SORCS2: variants seen among roughly 807,000 people sequenced by gnomAD.
The protein encoded by SORCS2 is VPS10 domain-containing receptor SorCS2.
In SORCS2, 100 loss-of-function variants were observed where a neutral mutation model predicts 141.6. The ratio of observed to expected loss-of-function variants is 0.71; its 90% CI spans 0.60 to 0.83. SORCS2 has a LOEUF of 0.83. SORCS2 is among the 40% of genes least tolerant of loss of function. The probability of loss-of-function intolerance (pLI) is 0.00; values close to 1 mark genes in which losing one functional copy is unlikely to be tolerated. For missense variants in SORCS2, 1,646 were observed against 1,560.2 expected (o/e 1.05, Z -0.93); for synonymous variants, 789 against 676.9 (o/e 1.17, Z -2.57).
chr4:7,303,251 C>T (rs934366665), intron 1 of SORCS2, among the ~76,000 whole-genome samples: 26 of 152,186 alleles, frequency 1.7e-4, no homozygotes, highest in African/African-American at 5.3e-4. Flanking sequence ...ACCACTGAGG[C>T]GTTCCTGGCT....
intron 1 of SORCS2, among the ~76,000 whole-genome samples, chr4:7,268,458 C>A (rs765923134): frequency 6.6e-6 from 1 of 152,184 alleles, no homozygotes; most frequent in Non-Finnish European, 1.5e-5. Context: ...GCAATGGGGC[C>A]GTCAAACTGA....
chr4:7,685,523 T>C (rs1158214957), intron 10 of SORCS2, among the ~76,000 whole-genome samples: 1 of 152,030 alleles, frequency 6.6e-6, no homozygotes, highest in Non-Finnish European at 1.5e-5. Flanking sequence ...ATACAAAAAT[T>C]AGCCAGGCAT....
chr4:7,543,204 A>T (rs934958613), intron 3 of SORCS2, among the ~76,000 whole-genome samples: 1 of 152,184 alleles, frequency 6.6e-6, no homozygotes, highest in African/African-American at 2.4e-5. Context: ...CTTTTAAGAA[A>T]GTCCACTTGC....
Position 7,742,391 on chromosome 4 carries a change from T to C in SORCS2, c.*2127T>C, listed in dbSNP as rs1017736773. On this transcript the variant is annotated 3_prime_UTR_variant, in exon 27 of 27. Coordinates refer to ENST00000507866, the MANE Select transcript of SORCS2 (RefSeq NM_020777.3). ...GGAACCCTGGGAACTGCCCTCCCCCTTAGCTCACAGTGCCTGCGGTAGCCA... is the reference window on the plus strand; with the variant it reads ...GGAACCCTGGGAACTGCCCTCCCCCCTAGCTCACAGTGCCTGCGGTAGCCA... The C allele has an allele frequency of 6.6e-6, 1 of 152,444 alleles. No individual in the cohort carries two copies. Among genetic ancestry groups the C allele is most frequent in the Non-Finnish European group, 1.5e-5 (1 of 68,112 alleles). The allele number at this position is 152,444 out of a possible 1,614,324, so 9.4% of individuals were successfully genotyped here.
intron 2 of SORCS2, among the ~76,000 whole-genome samples, chr4:7,418,031 C>T (rs1725808720): frequency 6.6e-6 from 1 of 152,200 alleles, no homozygotes; most frequent in African/African-American, 2.4e-5. Flanking sequence ...TTACCAGGCA[C>T]TTGGCCTGTG....
chr4:7,698,688 A>T (rs376726698), intron 12 of SORCS2, among the ~76,000 whole-genome samples: 9 of 152,358 alleles, frequency 5.9e-5, no homozygotes, highest in African/African-American at 2.2e-4. Flanking sequence ...ATGGGAGAGC[A>T]TCTGGGAAAG....
intron 1 of SORCS2, among the ~76,000 whole-genome samples, chr4:7,292,165 A>T (rs1053551213): frequency 2.6e-5 from 4 of 151,562 alleles, no homozygotes; most frequent in African/African-American, 7.3e-5. Flanking sequence ...CAGTCCGTTC[A>T]CCAAGGAGGC....
In SORCS2 at chr4:7,192,922, C is replaced by T. The variant is rs1726931481; in HGVS notation, c.276C>T (p.Gly92=). 8.2e-7 allele frequency: 1 copy of T among 1,224,514 alleles called. No individual in the cohort carries two copies. The highest frequency in any genetic ancestry group is 1.0e-6 in the Non-Finnish European group (1 of 984,746). The allele number at this position is 1,224,514 out of a possible 1,614,324, so 75.9% of individuals were successfully genotyped here. Residue 92 remains glycine, a synonymous_variant, in exon 1 of 27, where the codon GGC becomes GGT. Coordinates refer to ENST00000507866, the MANE Select transcript of SORCS2 (RefSeq NM_020777.3). This position sits in a 1 kb window ranked among gnomAD's most constrained non-coding sequence, Gnocchi z 4.0. ...EDRQARGTEP[G]APGPSPGPAP... ...GGCAGGCGCGCGGCACGGAGCCAGG[C>T]GCCCCGGGTCCGAGTCCCGGTCCCG...
intron 2 of SORCS2, among the ~76,000 whole-genome samples, chr4:7,472,785 C>T (rs1015031888): frequency 1.3e-5 from 2 of 152,130 alleles, no homozygotes; most frequent in Middle Eastern, 3.2e-3. Flanking sequence ...GTAATTGACT[C>T]CCCGCTGTGA....
intron 2 of SORCS2, among the ~76,000 whole-genome samples, chr4:7,451,891 C>A (rs1236747213): frequency 6.6e-6 from 1 of 152,208 alleles, no homozygotes; most frequent in Non-Finnish European, 1.5e-5. Context: ...TGACACCTGG[C>A]AGGCAGCACC....
At chr4:7,483,995 C>G (rs1654218147) in intron 2 of SORCS2, among the ~76,000 whole-genome samples, 1 of 152,214 alleles carries the variant, frequency 6.6e-6, no homozygotes, top group Non-Finnish European at 1.5e-5. Context: ...TGCACGTCTT[C>G]AAAGCCCAGG....
At chr4:7,618,478 T>C (rs767224197) in intron 3 of SORCS2, among the ~76,000 whole-genome samples, 2 of 152,146 alleles carry the variant, frequency 1.3e-5, no homozygotes, top group Non-Finnish European at 2.9e-5. Context: ...CATCCCACAT[T>C]GCAATCAGAC....
intron 1 of SORCS2, among the ~76,000 whole-genome samples, chr4:7,370,781 G>C (rs564294755): frequency 1.3e-5 from 2 of 152,296 alleles, no homozygotes; most frequent in East Asian, 3.9e-4. Context: ...CCCCTTTACT[G>C]GTCCTCTCTG....
intron 2 of SORCS2, among the ~76,000 whole-genome samples, chr4:7,461,902 TCCCGCAGGCTTCAGTGCCTCTGCTG>T (rs1729336440): frequency 9.8e-6 from 1 of 101,526 alleles, no homozygotes; most frequent in Non-Finnish European, 2.1e-5. Context: ...GGAGGTGCTG[TCCCGCAGGCTTCAGTGCCTCTGCTG>T]TCCTGCAGGC....
chr4:7,519,771 C>T (rs1279789211), intron 2 of SORCS2, among the ~76,000 whole-genome samples: 1 of 152,240 alleles, frequency 6.6e-6, no homozygotes, highest in Non-Finnish European at 1.5e-5. Flanking sequence ...CCCTCCTTCC[C>T]CCTCAGCTCC....
At chr4:7,320,068 C>T (rs921421284) in intron 1 of SORCS2, among the ~76,000 whole-genome samples, 8 of 152,054 alleles carry the variant, frequency 5.3e-5, no homozygotes, top group Admixed American at 1.3e-4. Flanking sequence ...TTTGGGAGGC[C>T]GAGGAGGGTG....
intron 1 of SORCS2, among the ~76,000 whole-genome samples, chr4:7,356,066 G>A (rs998673257): frequency 5.3e-5 from 8 of 152,234 alleles, no homozygotes; most frequent in Non-Finnish European, 5.9e-5. Flanking sequence ...TGCACCAGCT[G>A]TTTGGAGCAT....
At chr4:7,204,445 T>C (rs1332365794) in intron 1 of SORCS2, among the ~76,000 whole-genome samples, 1 of 152,166 alleles carries the variant, frequency 6.6e-6, no homozygotes, top group Non-Finnish European at 1.5e-5. Flanking sequence ...CTTAAACTCC[T>C]AAGCTCAAGC....
chr4:7,271,252 C>T (rs1002522851), intron 1 of SORCS2, among the ~76,000 whole-genome samples: 44 of 152,326 alleles, frequency 2.9e-4, no homozygotes, highest in African/African-American at 9.9e-4. Context: ...AGCCCTCTCA[C>T]CACTCCCCAC....
Sources: gnomAD v4.1 joint callset for allele counts (sites outside exome capture counted in the v4.1 genomes callset) on GRCh38, gnomAD v4.1.1 for gene constraint, Gnocchi (gnomAD v3.1) non-coding constraint, MANE v1.5 for transcripts, NCBI Gene and HGNC (gene_info 2026-07-23, HGNC 2026-07-21) for gene names.